ASAH2: variants seen among roughly 807,000 people sequenced by gnomAD.
The protein encoded by ASAH2 is N-acylsphingosine amidohydrolase 2, also known as neutral ceramidase.
A neutral mutation model predicts 82.9 loss-of-function variants in ASAH2; 58 were observed. The observed-to-expected ratio is 0.70, with a 90% CI of 0.57 to 0.87. The LOEUF (loss-of-function observed/expected upper bound fraction) is 0.87. Ranked by LOEUF, ASAH2 falls within the 40% of genes least tolerant of loss-of-function variation. The pLI is 0.00. For synonymous variants in ASAH2, 276 were observed against 289.7 expected, an observed-to-expected ratio of 0.95 and a Z score of 0.48; for missense variants, 779 against 834.0, an observed-to-expected ratio of 0.93 and a Z score of 0.81.
chr10:50,194,412 A>T (rs1431297409), intron 18 of ASAH2, among the ~76,000 whole-genome samples: 2 of 151,834 alleles, frequency 1.3e-5, no homozygotes, highest in Non-Finnish European at 2.9e-5. Context: ...AGTAGAAAAA[A>T]AATTGCAAAA....
intron 16 of ASAH2, among the ~76,000 whole-genome samples, chr10:50,202,354 A>G (rs1222381840): frequency 1.3e-5 from 2 of 152,010 alleles, no homozygotes; most frequent in Non-Finnish European, 2.9e-5. Context: ...CCTCCCTCAA[A>G]CTCTCTGGGA....
intron 6 of ASAH2, among the ~76,000 whole-genome samples, chr10:50,233,816 C>T (rs1314418126): frequency 5.3e-5 from 8 of 152,080 alleles, no homozygotes; most frequent in Non-Finnish European, 1.0e-4. Flanking sequence ...CACTTCTCTT[C>T]TGTTACAAAC....
At chr10:50,204,233 C>A (rs1314676549) in intron 14 of ASAH2, among the ~76,000 whole-genome samples, 1 of 151,620 alleles carries the variant, frequency 6.6e-6, no homozygotes, top group Non-Finnish European at 1.5e-5. Context: ...AATCTAGCTG[C>A]TGTGTTGAGA....
At chr10:50,218,698 G>T (rs984397200) in intron 7 of ASAH2, 68 bp from the exon 8 acceptor site, 3 of 1,582,900 alleles carry the variant, frequency 1.9e-6, no homozygotes, top group Non-Finnish European at 2.6e-6. Flanking sequence ...AACTATGACT[G>T]GGAGCTTAAG....
chr10:50,206,552 A>ACACACACG (rs1845304058), intron 12 of ASAH2, among the ~76,000 whole-genome samples: 1 of 150,488 alleles, frequency 6.6e-6, no homozygotes, highest in African/African-American at 2.4e-5. Flanking sequence ...ACACACACAC[A>ACACACACG]CACACACACA....
At chr10:50,221,466 C>G (rs1845741410) in intron 7 of ASAH2, among the ~76,000 whole-genome samples, 2 of 152,156 alleles carry the variant, frequency 1.3e-5, no homozygotes, top group African/African-American at 4.8e-5. Flanking sequence ...AGACAAAGGA[C>G]TTTATGTACA....
At chr10:50,215,218 TTAATCCATCTTGA>T (rs1845562090) in intron 8 of ASAH2, among the ~76,000 whole-genome samples, 2 of 152,214 alleles carry the variant, frequency 1.3e-5, no homozygotes, top group African/African-American at 2.4e-5. Flanking sequence ...GTTTAAGTCT[TTAATCCATCTTGA>T]GTTAATTTTT....
intron 17 of ASAH2, among the ~76,000 whole-genome samples, chr10:50,197,552 A>G (rs1845018736): frequency 6.6e-6 from 1 of 151,990 alleles, no homozygotes; most frequent in Non-Finnish European, 1.5e-5. Context: ...ATTACTTTCA[A>G]TGAATATTTA....
At chr10:50,197,489 C>A (rs1845016945) in intron 17 of ASAH2, among the ~76,000 whole-genome samples, 1 of 151,798 alleles carries the variant, frequency 6.6e-6, no homozygotes, top group Admixed American at 6.6e-5. Flanking sequence ...TCTCAATTTT[C>A]AAATATCCCT....
intron 10 of ASAH2, among the ~76,000 whole-genome samples, chr10:50,212,572 G>C (rs1296431918): frequency 6.6e-6 from 1 of 152,124 alleles, no homozygotes; most frequent in Non-Finnish European, 1.5e-5. Context: ...GAAAAGTTAA[G>C]AGATAGTTGG....
intron 9 of ASAH2, among the ~76,000 whole-genome samples, chr10:50,213,362 G>A (rs922308263): frequency 7.9e-5 from 12 of 152,088 alleles, no homozygotes; most frequent in Non-Finnish European, 1.6e-4. Context: ...TTGAAGCCAG[G>A]TCTTTCTATT....
chr10:50,234,750 A>G (rs1278105868), intron 5 of ASAH2, among the ~76,000 whole-genome samples, 198 bp from the exon 6 acceptor site: 1 of 152,058 alleles, frequency 6.6e-6, no homozygotes, highest in African/African-American at 2.4e-5. Flanking sequence ...GGTTGAGATA[A>G]GGGAAATGCC....
At chr10:50,232,139 G>A (rs1484824264) in intron 7 of ASAH2, among the ~76,000 whole-genome samples, 1 of 152,122 alleles carries the variant, frequency 6.6e-6, no homozygotes, top group African/African-American at 2.4e-5. Context: ...ACTGTGGTGT[G>A]TGAACTGTGA....
intron 4 of ASAH2, among the ~76,000 whole-genome samples, chr10:50,242,771 C>A (rs1275615661): frequency 1.3e-5 from 2 of 152,194 alleles, no homozygotes; most frequent in Admixed American, 1.3e-4. Flanking sequence ...TCACGGTCAA[C>A]CTCATTTCAA....
chr10:50,204,661 G>T (rs1327101429), intron 14 of ASAH2, among the ~76,000 whole-genome samples, 200 bp downstream of exon 14: 1 of 151,500 alleles, frequency 6.6e-6, no homozygotes, highest in East Asian at 1.9e-4. Flanking sequence ...TGCCTCAGGT[G>T]AGCCATCAAT....
At chr10:50,236,176 T>C in intron 4 of ASAH2, 112 bp from the exon 5 acceptor site, 1 of 920,972 alleles carries the variant, frequency 1.1e-6, no homozygotes, top group Non-Finnish European at 1.8e-6. Flanking sequence ...TCTGTATTAG[T>C]CCATTCTCAT....
chr10:50,212,422 A>G (rs2133207771), intron 10 of ASAH2, among the ~76,000 whole-genome samples: 1 of 152,236 alleles, frequency 6.6e-6, no homozygotes, highest in South Asian at 2.1e-4. Flanking sequence ...AGATTTGATG[A>G]AGAGAGCTTC....
chr10:50,222,022 A>G (rs1228809362), intron 7 of ASAH2, among the ~76,000 whole-genome samples: 1 of 152,176 alleles, frequency 6.6e-6, no homozygotes, highest in Non-Finnish European at 1.5e-5. Context: ...GGAGATATGA[A>G]GGAGGGCCCT....
intron 17 of ASAH2, among the ~76,000 whole-genome samples, chr10:50,197,995 A>C (rs1845031447): frequency 6.6e-6 from 1 of 152,118 alleles, no homozygotes. Flanking sequence ...CAAAATTATA[A>C]TAAAATGAAA....
Sources: gnomAD v4.1 joint callset for allele counts (sites outside exome capture counted in the v4.1 genomes callset) on GRCh38, gnomAD v4.1.1 for gene constraint, MANE v1.5 for transcripts, NCBI Gene and HGNC (gene_info 2026-07-23, HGNC 2026-07-21) for gene names.